Variants in ABR observed in about 807,000 individuals in gnomAD.
ABR encodes ABR activator of RhoGEF and GTPase.
A neutral mutation model predicts 107.2 loss-of-function variants in ABR; 35 were observed. The ratio of observed to expected loss-of-function variants is 0.33; its 90% CI spans 0.25 to 0.43. ABR has a LOEUF of 0.43. Ranked by LOEUF, ABR falls within the 20% of genes least tolerant of loss-of-function variation. The probability of loss-of-function intolerance (pLI) is 1.00; values close to 1 mark genes in which losing one functional copy is unlikely to be tolerated. For synonymous variants in ABR, 498 were observed against 462.0 expected, an observed-to-expected ratio of 1.08 and a Z score of -1.00; for missense variants, 815 against 1,115.2, an observed-to-expected ratio of 0.73 and a Z score of 3.83.
At chr17:1,082,663 A>G (rs1269639166) in intron 5 of ABR, among the ~76,000 whole-genome samples, 1 of 152,208 alleles carries the variant, frequency 6.6e-6, no homozygotes, top group African/African-American at 2.4e-5. Context: ...TTAAAAGACG[A>G]CCTATAGTCC....
At chr17:1,072,901 C>G (rs986219479) in intron 7 of ABR, 147 bp from the exon 8 acceptor site, 1 of 1,152,114 alleles carries the variant, frequency 8.7e-7, no homozygotes, top group Non-Finnish European at 1.2e-6. Flanking sequence ...CAGAGTCAGG[C>G]CGGGCACGGC....
At chr17:1,083,672 G>C (rs766393035) in intron 4 of ABR, 45 bp from the exon 5 acceptor site, 20 of 1,434,440 alleles carry the variant, frequency 1.4e-5, no homozygotes, top group Non-Finnish European at 1.9e-5. Flanking sequence ...GGGTGGGAGG[G>C]GAGAGGATTA....
At chr17:1,094,761 G>C (rs1292119262) in intron 3 of ABR, among the ~76,000 whole-genome samples, 1 of 152,190 alleles carries the variant, frequency 6.6e-6, no homozygotes, top group East Asian at 1.9e-4. Flanking sequence ...CAACCACATG[G>C]TTCCAAGGTT....
chr17:1,031,824 G>C, intron 16 of ABR: 2 of 1,099,828 alleles, frequency 1.8e-6, no homozygotes, highest in Non-Finnish European at 2.2e-6. Flanking sequence ...TAGTTCCCTA[G>C]TCCCGCCGGC....
chr17:1,009,856 C>G (rs1446649898), intron 20 of ABR, 72 bp from the exon 21 acceptor site: 1 of 1,345,890 alleles, frequency 7.4e-7, no homozygotes, highest in Non-Finnish European at 1.1e-6. Context: ...GGTCGTGAGG[C>G]TGTGGGCCCC....
chr17:1,213,951 A>C (rs974999483), intron 1 of ABR, among the ~76,000 whole-genome samples: 2 of 151,648 alleles, frequency 1.3e-5, no homozygotes, highest in East Asian at 2.0e-4. Context: ...GCAATGGCAC[A>C]ATCTCGGCTC....
intron 16 of ABR, among the ~76,000 whole-genome samples, chr17:1,045,429 C>T (rs868198110): frequency 6.6e-6 from 1 of 151,264 alleles, no homozygotes; most frequent in Non-Finnish European, 1.5e-5. Flanking sequence ...GACAATCTTC[C>T]GTCTTCTTAC....
rs546880376 is a variant in ABR at position 1,097,585 on chromosome 17, C to T, written c.345+3052G>A. On this transcript the variant is annotated intron_variant, in intron 3 of 22. Coordinates refer to ENST00000302538, the MANE Select transcript of ABR (RefSeq NM_021962.5). ...CAGCCTGGGCAACAGAGCAAGACTCCGTCTCAAAAAAAAAAAAAAAAAAAG... is the reference window on the plus strand; with the variant it reads ...CAGCCTGGGCAACAGAGCAAGACTCTGTCTCAAAAAAAAAAAAAAAAAAAG... Among the ~76,000 whole-genome samples, 14 of 95,340 alleles carry T rather than the reference C, an allele frequency of 1.5e-4. No homozygotes were observed. The East Asian group carries it at 4.1e-3, about 28-fold the overall frequency. 62.5% of individuals were successfully genotyped at this position (95,340 alleles called of 152,430 possible). A position where few individuals can be genotyped will look rare whatever the true frequency, so the allele number is the denominator to read the frequency against.
chr17:1,012,076 C>T, intron 18 of ABR, 91 bp from the exon 19 acceptor site: 2 of 1,589,104 alleles, frequency 1.3e-6, no homozygotes, highest in Non-Finnish European at 8.6e-7. Flanking sequence ...CCCTGGAGAG[C>T]TTCTAGCATT....
chr17:1,172,950 AC>A (rs74213812), intron 1 of ABR, among the ~76,000 whole-genome samples: 78,350 of 124,474 alleles, frequency 0.63, 30,622 homozygotes, highest in Non-Finnish European at 0.87. Context: ...CAGGTAATCC[AC>A]CCCCCCCATC....
chr17:1,065,720 G>T (rs1399222536), intron 10 of ABR, among the ~76,000 whole-genome samples: 3 of 144,144 alleles, frequency 2.1e-5, no homozygotes, highest in African/African-American at 7.7e-5. Context: ...TACCTTGTCA[G>T]TTTGAACTTT....
chr17:1,222,078 T>TTTTTTTTTTTTTTTTTTTTTA (rs2043130290), intron 1 of ABR, among the ~76,000 whole-genome samples: 1 of 150,408 alleles, frequency 6.6e-6, no homozygotes, highest in Non-Finnish European at 1.5e-5. Flanking sequence ...TCCCATCTTT[T>TTTTTTTTTTTTTTTTTTTTTA]TTTCTGAGAC....
chr17:1,005,732 AG>A lies in ABR; in HGVS notation c.*347del. Reference sequence around the variant, plus strand: ...GACTCAGGCGGAAAGAAAGTGCTGGAGGAAATGAAAGAACAAAGCGGGCTGT... The same window carrying A: ...GACTCAGGCGGAAAGAAAGTGCTGGAGAAATGAAAGAACAAAGCGGGCTGT... On this transcript the variant is annotated 3_prime_UTR_variant, in exon 23 of 23. Coordinates refer to ENST00000302538, the MANE Select transcript of ABR (RefSeq NM_021962.5). 1 of 332,562 alleles carries A rather than the reference AG, an allele frequency of 3.0e-6. No homozygotes were observed. The highest frequency in any genetic ancestry group is 5.6e-6 in the Non-Finnish European group (1 of 177,770). The allele number at this position is 332,562 out of a possible 1,614,324, so 20.6% of individuals were successfully genotyped here. A position where few individuals can be genotyped will look rare whatever the true frequency, so the allele number is the denominator to read the frequency against.
chr17:1,202,004 A>G (rs1567887878), intron 1 of ABR, among the ~76,000 whole-genome samples: 1 of 151,890 alleles, frequency 6.6e-6, no homozygotes, highest in East Asian at 1.9e-4. Context: ...TAAAAAGTCA[A>G]AGCAACGCTA....
At position 1,052,305 on chromosome 17, in the gene ABR, T is replaced by C. The variant is rs140453118; in HGVS notation, c.1562-1671A>G. On this transcript the variant is annotated intron_variant, in intron 14 of 22. Transcript: ENST00000302538. ...GGCCATGAAGTGCTGTCATCATGGATTGATCTCGGTGTGAGCCCCTCCTCG... is the reference window on the plus strand; with the variant it reads ...GGCCATGAAGTGCTGTCATCATGGACTGATCTCGGTGTGAGCCCCTCCTCG... Among the ~76,000 whole-genome samples, 683 of 151,484 alleles carry C rather than the reference T, an allele frequency of 4.5e-3. 9 individuals are homozygous for C. Among genetic ancestry groups the C allele is most frequent in the African/African-American group, 0.016 (646 of 41,190 alleles).
intron 6 of ABR, among the ~76,000 whole-genome samples, chr17:1,074,039 G>T (rs935246156): frequency 1.4e-5 from 2 of 147,226 alleles, no homozygotes; most frequent in Admixed American, 1.4e-4. Flanking sequence ...GCTCCACCCA[G>T]CCACGCCCCG....
chr17:1,124,010 G>A (rs994353127), intron 2 of ABR, among the ~76,000 whole-genome samples: 8 of 151,996 alleles, frequency 5.3e-5, no homozygotes, highest in Admixed American at 2.6e-4. Flanking sequence ...ACAGGTGCAC[G>A]CCTGGACTGC....
At chr17:1,012,150 C>A (rs1286461628) in intron 18 of ABR, 165 bp from the exon 19 acceptor site, 2 of 1,138,404 alleles carry the variant, frequency 1.8e-6, no homozygotes, top group Admixed American at 2.0e-5. Flanking sequence ...CACCCCACCC[C>A]AGCCAGCCCA....
chr17:1,100,887 A>C (rs1443902205), intron 2 of ABR, 152 bp from the exon 3 acceptor site: 6 of 704,470 alleles, frequency 8.5e-6, no homozygotes, highest in Non-Finnish European at 1.4e-5. Flanking sequence ...AAAGTGGCAC[A>C]ATCTCGGCTC....
Sources: allele counts gnomAD v4.1 joint callset (sites outside exome capture counted in the v4.1 genomes callset), GRCh38; gene constraint gnomAD v4.1.1; transcripts MANE v1.5; gene names NCBI Gene and HGNC (gene_info 2026-07-23, HGNC 2026-07-21).